Variants in HDAC4 observed in about 807,000 individuals in gnomAD.
HDAC4 encodes the protein histone deacetylase 4.
HDAC4 carries 16 observed loss-of-function variants against 135.1 expected under a neutral mutation model. That is an observed-to-expected ratio of 0.12 (90% confidence interval 0.08 to 0.18). The LOEUF is 0.18. HDAC4 is among the 10% of genes least tolerant of loss of function. HDAC4 has a pLI of 1.00. For missense variants in HDAC4, 1,143 were observed against 1,511.8 expected (o/e 0.76, Z 4.05); for synonymous variants, 685 against 653.4 (o/e 1.05, Z -0.74).
intron 14 of HDAC4, 59 bp downstream of exon 14, chr2:239,111,467 G>A (rs970294743): frequency 1.1e-5 from 16 of 1,508,270 alleles, no homozygotes; most frequent in African/African-American, 5.5e-5. Context: ...AGAGCCCCCC[G>A]CGCTGTGCCC....
rs1189780837 is a variant in HDAC4, at chr2:239,400,636, G to C, written c.-220+342C>G. 2 of 146,858 alleles carry C rather than the reference G, an allele frequency of 1.4e-5. No individual in the cohort carries two copies. Among genetic ancestry groups the C allele is most frequent in the Non-Finnish European group, 3.0e-5 (2 of 65,932 alleles). 9.1% of individuals were successfully genotyped at this position (146,858 alleles called of 1,614,324 possible). A position where few individuals can be genotyped will look rare whatever the true frequency, so the allele number is the denominator to read the frequency against. The stretch of plus-strand genomic sequence containing the variant: ...CTCCAAGGCCTGCAGGCTGCGCGGG[G>C]CGCGGGGCGGGCGGCGGACAATGGC... On this transcript the variant is annotated intron_variant, in intron 1 of 26. Coordinates refer to ENST00000543185, the MANE Select transcript of HDAC4 (RefSeq NM_001378414.1). This position sits in a 1 kb window ranked among gnomAD's most constrained non-coding sequence, Gnocchi z 4.7.
intron 3 of HDAC4, among the ~76,000 whole-genome samples, chr2:239,202,086 C>T (rs2045790607): frequency 6.6e-6 from 1 of 152,292 alleles, no homozygotes; most frequent in Non-Finnish European, 1.5e-5. Flanking sequence ...GACCCGAGAA[C>T]ATTCTGATGG....
chr2:239,337,794 G>A (rs529418468), intron 2 of HDAC4, among the ~76,000 whole-genome samples: 6 of 152,166 alleles, frequency 3.9e-5, no homozygotes, highest in African/African-American at 1.4e-4. Flanking sequence ...CAGGACAACC[G>A]GCTTCGGCTG....
intron 5 of HDAC4, among the ~76,000 whole-genome samples, chr2:239,174,726 CA>C (rs2043649467): frequency 6.6e-6 from 1 of 152,118 alleles, no homozygotes; most frequent in African/African-American, 2.4e-5. Context: ...GGAAACAAGC[CA>C]AATATCTAAC....
intron 2 of HDAC4, among the ~76,000 whole-genome samples, chr2:239,286,796 C>T (rs1421134221): frequency 6.6e-6 from 1 of 152,144 alleles, no homozygotes; most frequent in South Asian, 2.1e-4. Flanking sequence ...GAGAAGAATA[C>T]ACCAAACGTG....
intron 2 of HDAC4, among the ~76,000 whole-genome samples, chr2:239,314,825 C>T (rs1407022626): frequency 6.6e-6 from 1 of 152,130 alleles, no homozygotes; most frequent in African/African-American, 2.4e-5. Context: ...ATTCTAAGCT[C>T]CCAACCATCT....
chr2:239,299,500 C>A lies in HDAC4; in HGVS notation c.22+53178G>T, dbSNP rs1238291589. Among the ~76,000 whole-genome samples the A allele has an allele frequency of 6.6e-6, 1 of 151,320 alleles. No individual in the cohort carries two copies. Among genetic ancestry groups the A allele is most frequent in the Non-Finnish European group, 1.5e-5 (1 of 68,014 alleles). ...AACCAGAAGAGACATGCACACGAGG[C>A]AGGGCGAGTGGTGTTTATTACAGCT... is the stretch of plus-strand genomic sequence containing the variant. On this transcript the variant is annotated intron_variant, in intron 2 of 26. Coordinates refer to ENST00000543185, the MANE Select transcript of HDAC4 (RefSeq NM_001378414.1). The surrounding 1 kb of genome is among the most constrained non-coding windows in gnomAD (Gnocchi z 4.0).
chr2:239,182,140 T>C lies in HDAC4; in HGVS notation c.340-5577A>G, dbSNP rs548227647. Among the ~76,000 whole-genome samples the C allele has an allele frequency of 6.6e-5, 10 of 152,290 alleles. No individual in the cohort carries two copies. The South Asian group carries it at 1.7e-3, about 25-fold the overall frequency. On this transcript the variant is annotated intron_variant, in intron 4 of 26. Transcript: ENST00000543185. Reference sequence around the variant, plus strand: ...CCCCGAGAGCATCCCTGGGCCACACTGTCTGCAGATTGGGAATGCCACCAG... The same window carrying C: ...CCCCGAGAGCATCCCTGGGCCACACCGTCTGCAGATTGGGAATGCCACCAG...
intron 7 of HDAC4, among the ~76,000 whole-genome samples, chr2:239,150,932 G>A (rs146717075): frequency 1.4e-3 from 220 of 152,296 alleles, no homozygotes; most frequent in Non-Finnish European, 2.3e-3. Flanking sequence ...TGCACCTCCT[G>A]AAGTATGTAC....
chr2:239,336,610 T>A (rs79369613), intron 2 of HDAC4, among the ~76,000 whole-genome samples: 1 of 152,008 alleles, frequency 6.6e-6, no homozygotes, highest in African/African-American at 2.4e-5. Context: ...CAAAAGAGAG[T>A]ATCTATAAAT....
At position 239,236,661 on chromosome 2, in the gene HDAC4, C is replaced by A; in HGVS notation, c.26G>T (p.Gly9Val). 6.4e-7 allele frequency: 1 copy of A among 1,551,518 alleles called. No individual in the cohort carries two copies. The highest frequency in any genetic ancestry group is 8.7e-7 in the Non-Finnish European group (1 of 1,146,796). MSSQSHPD[G>V]LSGRDQPVEL... The stretch of plus-strand genomic sequence containing the variant: ...CACTGGCTGGTCTCGGCCAGAAAGT[C>A]CATCTGGAGAACAGAGAAGGCACTG... Residue 9 changes from glycine to valine, a missense_variant, in exon 3 of 27, where the codon GGA becomes GTA. Coordinates refer to ENST00000543185, the MANE Select transcript of HDAC4 (RefSeq NM_001378414.1).
At chr2:239,255,038 C>T (rs770156779) in intron 2 of HDAC4, among the ~76,000 whole-genome samples, 16 of 152,128 alleles carry the variant, frequency 1.1e-4, no homozygotes, top group Admixed American at 4.6e-4. Context: ...AACTATCATT[C>T]GGGTAAAAGG....
chr2:239,140,907 C>T (rs1399814356), intron 8 of HDAC4: 1 of 459,456 alleles, frequency 2.2e-6, no homozygotes, highest in South Asian at 1.6e-5. Context: ...GAGGTGGTGA[C>T]TCTGCAAATA....
chr2:239,311,384 C>T (rs1017163036), intron 2 of HDAC4, among the ~76,000 whole-genome samples: 7 of 152,210 alleles, frequency 4.6e-5, no homozygotes, highest in East Asian at 3.8e-4. Context: ...TGTCAAGCGC[C>T]GAGCAAACAG....
chr2:239,236,547 G>A (rs2047898926), intron 3 of HDAC4, 46 bp downstream of exon 3: 2 of 1,463,298 alleles, frequency 1.4e-6, no homozygotes, highest in African/African-American at 1.4e-5. Context: ...CACCTCTTTG[G>A]CTCAGCGCAG....
rs748395305 is a variant in HDAC4, at chr2:239,126,595, C to T, written c.1394G>A (p.Arg465His). 13 of 1,613,762 alleles carry T rather than the reference C, an allele frequency of 8.1e-6. No homozygotes were observed. The highest frequency in any genetic ancestry group is 1.7e-5 in the Admixed American group (1 of 60,030). ...SPSIHKLRQHRPLGRTQSAPL... is the reference protein window; with the variant it reads ...SPSIHKLRQHHPLGRTQSAPL... ...GGCCGACTGGGTCCGCCCCAGTGGG[C>T]GGTGCTGCCGCAGCTTGTGGATGGA... is the stretch of plus-strand genomic sequence containing the variant. Residue 465 changes from arginine to histidine, a missense_variant, in exon 12 of 27, where the codon CGC becomes CAC. Arg to His is a conservative substitution (Grantham distance 29). This residue lies in a region of HDAC4 where 272 missense variants were observed against 309.7 expected (regional missense o/e 0.88). Transcript: ENST00000543185.
intron 11 of HDAC4, among the ~76,000 whole-genome samples, chr2:239,130,195 G>A (rs1317831954): frequency 6.6e-6 from 1 of 152,228 alleles, no homozygotes; most frequent in Non-Finnish European, 1.5e-5. Context: ...GGATTCGCTT[G>A]GACCAATCAG....
intron 2 of HDAC4, among the ~76,000 whole-genome samples, chr2:239,290,774 C>T (rs1254985934): frequency 1.3e-5 from 2 of 152,182 alleles, no homozygotes; most frequent in Non-Finnish European, 2.9e-5. Context: ...CACACGCTCC[C>T]GTGTTTAGTG....
chr2:239,238,595 T>C (rs146881705), intron 2 of HDAC4, among the ~76,000 whole-genome samples: 4 of 152,306 alleles, frequency 2.6e-5, no homozygotes, highest in Non-Finnish European at 5.9e-5. Flanking sequence ...AAGCCCCCAG[T>C]GGTGAGCAGC....
Sources: allele counts gnomAD v4.1 joint callset (sites outside exome capture counted in the v4.1 genomes callset), GRCh38; gene constraint gnomAD v4.1.1; regional missense constraint gnomAD v4.1.1; non-coding constraint Gnocchi (gnomAD v3.1); transcripts MANE v1.5; gene names NCBI Gene and HGNC (gene_info 2026-07-23, HGNC 2026-07-21).